SHE: variants seen among roughly 807,000 people sequenced by gnomAD.
The protein encoded by SHE is SH2 domain-containing adapter protein E.
In SHE, 11 loss-of-function variants were observed where a neutral mutation model predicts 49.8. The ratio of observed to expected loss-of-function variants is 0.22; its 90% confidence interval spans 0.14 to 0.37. The LOEUF is 0.37. Ranked by LOEUF, SHE falls within the 10% of genes least tolerant of loss-of-function variation. SHE has a pLI of 1.00. For missense variants in SHE, 624 were observed against 655.5 expected, an observed-to-expected ratio of 0.95 and a Z score of 0.52; for synonymous variants, 310 against 278.1, an observed-to-expected ratio of 1.11 and a Z score of -1.14.
Position 154,486,562 on chromosome 1 carries a change from C to G in SHE, c.1146G>C (p.Glu382Asp). 4 of 1,614,196 alleles carry G rather than the reference C, an allele frequency of 2.5e-6. No homozygotes were observed. The highest frequency in any genetic ancestry group is 3.4e-6 in the Non-Finnish European group (4 of 1,180,034). ...KPALSDHSEG[E>D]KVDPGLPLEK... ...CCAGGGGCAGGCCCGGGTCCACTTT[C>G]TCTCCCTCACTGTGGTCCGAGAGGG... Residue 382 changes from glutamate to aspartate, a missense_variant, in exon 4 of 6, where the codon GAG (glutamate) becomes GAC (aspartate). Around this residue, in one of 4 missense-constraint regions of SHE, gnomAD observed 125 missense variants for 181.7 expected, o/e 0.69. Coordinates refer to ENST00000304760, the MANE Select transcript of SHE (RefSeq NM_001010846.3).
chr1:154,498,532 G>A (rs1231487414), intron 2 of SHE, among the ~76,000 whole-genome samples: 2 of 151,744 alleles, frequency 1.3e-5, no homozygotes, highest in African/African-American at 4.8e-5. Context: ...CAAATAGCTG[G>A]GATTACAGGT....
rs1692040685 is a variant in SHE, at chr1:154,482,268, C to A, written c.*1881G>T. The A allele has an allele frequency of 1.1e-6, 1 of 948,846 alleles. No homozygotes were observed. The highest frequency in any genetic ancestry group is 1.3e-6 in the Non-Finnish European group (1 of 796,870). 58.8% of individuals were successfully genotyped at this position (948,846 alleles called of 1,614,324 possible). A position where few individuals can be genotyped will look rare whatever the true frequency, so the allele number is the denominator to read the frequency against. ...ACCTCACGTGATCTGCCTGCCTCAG[C>A]CTCCCAAATTGTTGGGATTACGTGC... On this transcript the variant is annotated 3_prime_UTR_variant, in exon 6 of 6. Transcript: ENST00000304760.
In SHE at chr1:154,483,560, T is replaced by C. The variant is rs1443189454; in HGVS notation, c.*589A>G. 1 of 985,398 alleles carries C rather than the reference T, an allele frequency of 1.0e-6. No homozygotes were observed. Among genetic ancestry groups the C allele is most frequent in the Non-Finnish European group, 1.2e-6 (1 of 830,062 alleles). 61.0% of individuals were successfully genotyped at this position (985,398 alleles called of 1,614,324 possible). On this transcript the variant is annotated 3_prime_UTR_variant, in exon 6 of 6. Transcript: ENST00000304760. The stretch of plus-strand genomic sequence containing the variant: ...TGCTCCTGAACTCCTGACTTAACCT[T>C]CCTGAGGGTCACACCATAAAAAGAA...
rs1294226832 is a variant in SHE at position 154,482,413 on chromosome 1, C to T, written c.*1736G>A. The stretch of plus-strand genomic sequence containing the variant: ...CACAACCTTTTGGCTGAGATCTTAT[C>T]TGAATAAAGAAGCAAAAATTTACTA... On this transcript the variant is annotated 3_prime_UTR_variant, in exon 6 of 6. Transcript: ENST00000304760. The T allele has an allele frequency of 1.0e-6, 1 of 985,210 alleles. No individual in the cohort carries two copies. The highest frequency in any genetic ancestry group is 6.1e-5 in the Admixed American group (1 of 16,264). 61.0% of individuals were successfully genotyped at this position (985,210 alleles called of 1,614,324 possible).
In SHE at chr1:154,502,147, G is replaced by C. The variant is rs913082793; in HGVS notation, c.-121C>G. On this transcript the variant is annotated 5_prime_UTR_variant, in exon 1 of 6. Transcript: ENST00000304760. ...GTTCTCACGGCTCGGGGCGCCGAGC[G>C]GGCGGGCGCTAGCCTCTGCTCCGGA... is the stretch of plus-strand genomic sequence containing the variant. 5 of 795,602 alleles carry C rather than the reference G, an allele frequency of 6.3e-6. No homozygotes were observed. The highest frequency in any genetic ancestry group is 8.2e-6 in the Non-Finnish European group (5 of 608,054). The allele number at this position is 795,602 out of a possible 1,614,324, so 49.3% of individuals were successfully genotyped here. A position where few individuals can be genotyped will look rare whatever the true frequency, so the allele number is the denominator to read the frequency against.
In SHE at chr1:154,480,239, C is replaced by T; in HGVS notation, c.*3910G>A. The T allele has an allele frequency of 3.0e-6, 3 of 985,408 alleles. No individual in the cohort carries two copies. The highest frequency in any genetic ancestry group is 3.6e-6 in the Non-Finnish European group (3 of 829,928). The allele number at this position is 985,408 out of a possible 1,614,324, so 61.0% of individuals were successfully genotyped here. Reference sequence around the variant, plus strand: ...TGAACGAGAGATCTGTGAAGGGTTTCAGTGCAATCCTGCTGAGTGTCAAGG... The same window carrying T: ...TGAACGAGAGATCTGTGAAGGGTTTTAGTGCAATCCTGCTGAGTGTCAAGG... On this transcript the variant is annotated 3_prime_UTR_variant, in exon 6 of 6. Coordinates refer to ENST00000304760, the MANE Select transcript of SHE (RefSeq NM_001010846.3).
exon 2 of SHE, chr1:154,470,249 G>A: frequency 8.2e-7 from 1 of 1,224,274 alleles, no homozygotes; most frequent in African/African-American, 1.6e-5. Context: ...ACGGGAGTGG[G>A]CACTGGAGCC....
In SHE at chr1:154,502,140, G is replaced by A. The variant is rs935771331; in HGVS notation, c.-114C>T. 14 of 854,186 alleles carry A rather than the reference G, an allele frequency of 1.6e-5. No homozygotes were observed. The highest frequency in any genetic ancestry group is 2.0e-5 in the Non-Finnish European group (13 of 659,584). 52.9% of individuals were successfully genotyped at this position (854,186 alleles called of 1,614,324 possible). A position where few individuals can be genotyped will look rare whatever the true frequency, so the allele number is the denominator to read the frequency against. On this transcript the variant is annotated 5_prime_UTR_variant, in exon 1 of 6. Coordinates refer to ENST00000304760, the MANE Select transcript of SHE (RefSeq NM_001010846.3). ...GGGTGGGGTTCTCACGGCTCGGGGC[G>A]CCGAGCGGGCGGGCGCTAGCCTCTG...
At chr1:154,471,147 G>A (rs937813378) in intron 1 of SHE, among the ~76,000 whole-genome samples, 1 of 152,182 alleles carries the variant, frequency 6.6e-6, no homozygotes, top group Non-Finnish European at 1.5e-5. Flanking sequence ...TGAGGGGCCT[G>A]TTGCACCATC....
At position 154,501,436 on chromosome 1, in the gene SHE, C is replaced by T. The variant is rs771340090; in HGVS notation, c.591G>A (p.Thr197=). ...GGTCCAAGGGAGGCTGTATTCTTAC[C>T]GTCTCTTGCTGCTTAATAATCTTGC... is the stretch of plus-strand genomic sequence containing the variant. The part of the protein sequence containing the change: ...DKGKIIKQQE[T]VIILEDYADP... The change falls in exon 1 of 6, where the codon ACG becomes ACA. Residue 197 remains threonine, a splice_region_variant and synonymous_variant. Coordinates refer to ENST00000304760, the MANE Select transcript of SHE (RefSeq NM_001010846.3). 3.7e-6 allele frequency: 6 copies of T among 1,613,590 alleles called. No homozygotes were observed. The highest frequency in any genetic ancestry group is 2.2e-5 in the East Asian group (1 of 44,890).
At position 154,486,608 on chromosome 1, in the gene SHE, G is replaced by A; in HGVS notation, c.1100C>T (p.Thr367Ile). The change falls in exon 4 of 6, where the codon ACC becomes ATC. Residue 367 changes from threonine (T) to isoleucine (I), a missense_variant. By Grantham distance (89) the Thr-to-Ile change is moderately conservative. Coordinates refer to ENST00000304760, the MANE Select transcript of SHE (RefSeq NM_001010846.3). ...GAGGGCTGGCTTCAGGATCTTCTGG[G>A]TCCAGCTCTTCTGCCGGTGGTGCTG... ...VRQHHRQKSWTQKILKPALSD... is the reference protein window; with the variant it reads ...VRQHHRQKSWIQKILKPALSD... 1 of 1,614,152 alleles carries A rather than the reference G, an allele frequency of 6.2e-7. No individual in the cohort carries two copies. Among genetic ancestry groups the A allele is most frequent in the Non-Finnish European group, 8.5e-7 (1 of 1,180,036 alleles).
chr1:154,489,141 T>C lies in SHE; in HGVS notation c.934A>G (p.Ser312Gly), dbSNP rs776353649. The change falls in exon 3 of 6, where the codon AGC (serine) becomes GGC (glycine). Residue 312 changes from serine (S) to glycine (G), a missense_variant. Around this residue, in one of 4 missense-constraint regions of SHE, gnomAD observed 155 missense variants for 142.0 expected, o/e 1.09. Coordinates refer to ENST00000304760, the MANE Select transcript of SHE (RefSeq NM_001010846.3). ...CTCTCGTCGTTCTCGGGCAGCCGGC[T>C]GTCTGGGGGCCGCGCCTTCCCCTCT... ...RAEGKARPPD[S>G]RLPENDERPA... 1.2e-6 allele frequency: 2 copies of C among 1,613,964 alleles called. No individual in the cohort carries two copies. The highest frequency in any genetic ancestry group is 2.2e-5 in the South Asian group (2 of 91,078).
At chr1:154,499,480 C>A (rs1692642570) in intron 1 of SHE, among the ~76,000 whole-genome samples, 1 of 152,136 alleles carries the variant, frequency 6.6e-6, no homozygotes. Flanking sequence ...GCTCTTTATA[C>A]CTCCCTTTAT....
chr1:154,477,611 C>T (rs1158627220), downstream of SHE, among the ~76,000 whole-genome samples: 3 of 152,050 alleles, frequency 2.0e-5, no homozygotes, highest in Non-Finnish European at 4.4e-5. Flanking sequence ...AAACTCTGGG[C>T]TGGGAATGGT....
Position 154,501,432 on chromosome 1 carries a change from T to C in SHE, c.591+4A>G. On this transcript the variant is annotated splice_donor_region_variant and intron_variant, in intron 1 of 5. Transcript: ENST00000304760. ...AGGTGGTCCAAGGGAGGCTGTATTC[T>C]TACCGTCTCTTGCTGCTTAATAATC... The C allele has an allele frequency of 1.2e-6, 2 of 1,613,772 alleles. No homozygotes were observed. Among genetic ancestry groups the C allele is most frequent in the Non-Finnish European group, 1.7e-6 (2 of 1,179,744 alleles).
At chr1:154,497,741 C>A (rs1190485544) in intron 2 of SHE, among the ~76,000 whole-genome samples, 1 of 151,948 alleles carries the variant, frequency 6.6e-6, no homozygotes, top group Non-Finnish European at 1.5e-5. Context: ...AGTGCAATGG[C>A]ACGATCTTGG....
chr1:154,494,483 G>A (rs1375160950), intron 2 of SHE, among the ~76,000 whole-genome samples: 8 of 147,604 alleles, frequency 5.4e-5, no homozygotes, highest in African/African-American at 2.0e-4. Context: ...CAGAGTGCTA[G>A]GATTATAGGC....
chr1:154,486,492 G>A, intron 4 of SHE, 35 bp downstream of exon 4: 1 of 1,609,594 alleles, frequency 6.2e-7, no homozygotes, highest in Non-Finnish European at 8.5e-7. Flanking sequence ...GCTCCCAGCT[G>A]TTGTCTGTTA....
chr1:154,501,686 G>C lies in SHE; in HGVS notation c.341C>G (p.Ala114Gly). The C allele has an allele frequency of 6.2e-7, 1 of 1,612,992 alleles. No individual in the cohort carries two copies. Among genetic ancestry groups the C allele is most frequent in the Non-Finnish European group, 8.5e-7 (1 of 1,179,754 alleles). ...SRDSLQGLIQ[A>G]AAGKGRKNSR... ...GTTTTTGCGGCCCTTGCCCGCGGCG[G>C]CCTGAATCAGACCCTGCAGGCTGTC... The change falls in exon 1 of 6, where the codon GCC becomes GGC. Residue 114 changes from alanine (A) to glycine (G), a missense_variant. Physicochemically the swap from Ala to Gly is moderately conservative, Grantham distance 60 (BLOSUM62 0). Around this residue, in one of 4 missense-constraint regions of SHE, gnomAD observed 337 missense variants for 306.0 expected, o/e 1.10. Transcript: ENST00000304760.
Sources: allele counts gnomAD v4.1 joint callset (sites outside exome capture counted in the v4.1 genomes callset), GRCh38; gene constraint gnomAD v4.1.1; regional missense constraint gnomAD v4.1.1; transcripts MANE v1.5; gene names NCBI Gene and HGNC (gene_info 2026-07-23, HGNC 2026-07-21).